Variants in NCL observed in about 807,000 individuals in gnomAD.
The protein encoded by NCL is nucleolin multifunctional protein.
In NCL, 4 loss-of-function variants were observed where a neutral mutation model predicts 77.7. That is an observed-to-expected ratio of 0.05 (90% confidence interval 0.03 to 0.12). The LOEUF is 0.12. Ranked by LOEUF, NCL falls within the 10% of genes least tolerant of loss-of-function variation. NCL has a pLI of 1.00. For synonymous variants in NCL, 344 were observed against 297.8 expected (o/e 1.16, Z -1.60); for missense variants, 763 against 860.9 (o/e 0.89, Z 1.42).
In NCL at chr2:231,458,284, T is replaced by C. The variant is rs2046911105; in HGVS notation, c.1271A>G (p.Lys424Arg). The change falls in exon 8 of 14, where the codon AAG becomes AGG. Residue 424 changes from lysine to arginine, a missense_variant. Physicochemically the swap from Lys to Arg is conservative, Grantham distance 26. Coordinates refer to ENST00000322723, the MANE Select transcript of NCL (RefSeq NM_005381.3). ...EDAAEIRLVS[K>R]DGKSKGIAYI... ...AACATACCCTTTACTTTTCCCATCC[T>C]TGCTGACTAATCTGATCTCCGCAGC... 1.2e-6 allele frequency: 2 copies of C among 1,613,956 alleles called. No individual in the cohort carries two copies. Among genetic ancestry groups the C allele is most frequent in the Admixed American group, 1.7e-5 (1 of 59,986 alleles).
At position 231,461,571 on chromosome 2, in the gene NCL, ATCT is replaced by A. The variant is rs1470530697; in HGVS notation, c.579_581del (p.Glu193del). ...CCTCATCGTCATCGTCATCCTCATC[ATCT>A]TCGTCATCCTCATCGTCCTCATCCT... On this transcript the variant is annotated inframe_deletion, in exon 3 of 14. Coordinates refer to ENST00000322723, the MANE Select transcript of NCL (RefSeq NM_005381.3). The A allele has an allele frequency of 3.7e-6, 6 of 1,612,986 alleles. No homozygotes were observed. The highest frequency in any genetic ancestry group is 3.3e-5 in the Admixed American group (2 of 59,976).
chr2:231,456,168 G>T, intron 11 of NCL, 32 bp from the exon 12 acceptor site: 1 of 1,612,778 alleles, frequency 6.2e-7, no homozygotes, highest in Non-Finnish European at 8.5e-7. Flanking sequence ...GACTTTATGT[G>T]AAGTCACAGT....
chr2:231,459,191 A>G (rs2046922503), intron 6 of NCL, 66 bp from the exon 7 acceptor site: 2 of 1,438,164 alleles, frequency 1.4e-6, no homozygotes, highest in Non-Finnish European at 1.8e-6. Flanking sequence ...CACAATATGT[A>G]TTCTAGACAA....
At chr2:231,455,970 C>T in intron 12 of NCL, 40 bp downstream of exon 12, 1 of 1,613,994 alleles carries the variant, frequency 6.2e-7, no homozygotes, top group East Asian at 2.2e-5. Context: ...GAACAAAAAC[C>T]CCTTCAAGTG....
chr2:231,455,330 TAGGAACCGTGACAGGGCAC>T, intron 13 of NCL, 52 bp downstream of exon 13: 1 of 1,613,240 alleles, frequency 6.2e-7, no homozygotes, highest in South Asian at 1.1e-5. Flanking sequence ...CCCCAGTGAT[TAGGAACCGTGACAGGGCAC>T]AGGGTCTGAA....
At chr2:231,460,122 CGT>C (rs2046932257) in intron 6 of NCL, 28 bp downstream of exon 6, 1 of 1,594,458 alleles carries the variant, frequency 6.3e-7, no homozygotes, top group African/African-American at 1.3e-5. Context: ...AACAGACCCA[CGT>C]GTATGTAACG....
At position 231,460,294 on chromosome 2, in the gene NCL, C is replaced by T. The variant is rs374132939; in HGVS notation, c.899-1G>A. ...TTGAAAGCCGTAGTCGGTTCTGTGC[C>T]TGCACAAAAAAAGCTCAACTCAGTC... is the stretch of plus-strand genomic sequence containing the variant. On this transcript the variant is annotated splice_acceptor_variant, in intron 5 of 13. Transcript: ENST00000322723. LOFTEE classifies it high-confidence loss of function. 6.2e-7 allele frequency: 1 copy of T among 1,613,318 alleles called. No homozygotes were observed. The highest frequency in any genetic ancestry group is 1.1e-5 in the South Asian group (1 of 90,936).
rs1330057068 is a variant in NCL, at chr2:231,454,999, G to C, written c.*192C>G. ...GCTCTATCACTCAACTCTTTAAAAAGTTTATATGAATATCCAGTCAAAACC... is the reference window on the plus strand; with the variant it reads ...GCTCTATCACTCAACTCTTTAAAAACTTTATATGAATATCCAGTCAAAACC... On this transcript the variant is annotated 3_prime_UTR_variant, in exon 14 of 14. Coordinates refer to ENST00000322723, the MANE Select transcript of NCL (RefSeq NM_005381.3). 1.7e-5 allele frequency: 10 copies of C among 588,538 alleles called. No homozygotes were observed. The highest frequency in any genetic ancestry group is 2.1e-5 in the Non-Finnish European group (7 of 334,952). 36.5% of individuals were successfully genotyped at this position (588,538 alleles called of 1,614,324 possible).
chr2:231,462,948 C>G, intron 2 of NCL: 1 of 443,018 alleles, frequency 2.3e-6, no homozygotes, highest in Non-Finnish European at 4.1e-6. Flanking sequence ...AATGATTTAA[C>G]ACAACAAATC....
In NCL at chr2:231,460,763, T is replaced by C. The variant is rs2046941735; in HGVS notation, c.717A>G (p.Glu239=). The C allele has an allele frequency of 9.3e-6, 15 of 1,613,598 alleles. No individual in the cohort carries two copies. The highest frequency in any genetic ancestry group is 1.3e-5 in the Non-Finnish European group (15 of 1,179,518). Residue 239 remains glutamate (E), a synonymous_variant, in exon 4 of 14, where the codon GAA becomes GAG. Transcript: ENST00000322723. ...AKNVAEDEDE[E]EDDEDEDDDD... is the part of the protein sequence containing the mutation. ...CGTCATCCTCGTCCTCATCATCCTC[T>C]TCTTCATCTTCATCCTCAGCCACGT...
chr2:231,455,960 GAAC>G, intron 12 of NCL, 47 bp downstream of exon 12: 2 of 1,613,802 alleles, frequency 1.2e-6, no homozygotes, highest in Non-Finnish European at 1.7e-6. Context: ...GGTCTGCACA[GAAC>G]AAAAACCCCT....
In NCL at chr2:231,460,248, T is replaced by C; in HGVS notation, c.944A>G (p.Asn315Ser). Reference sequence around the variant, plus strand: ...TAATTCAGGAGCAGATTTGTTAAAGTTTAGGTTTCCAACAAAGAGATTGAA... The same window carrying C: ...TAATTCAGGAGCAGATTTGTTAAAGCTTAGGTTTCCAACAAAGAGATTGAA... ...TAFNLFVGNL[N>S]FNKSAPELKT... Residue 315 changes from asparagine to serine, a missense_variant, in exon 6 of 14, where the codon AAC becomes AGC. By Grantham distance (46) the Asn-to-Ser change is conservative. This residue lies in a region of NCL where 590 missense variants were observed against 570.5 expected (regional missense o/e 1.03). Transcript: ENST00000322723. The C allele has an allele frequency of 6.2e-7, 1 of 1,614,074 alleles. No individual in the cohort carries two copies.
intron 3 of NCL, 97 bp downstream of exon 3, chr2:231,461,443 T>G (rs573300875): frequency 2.6e-6 from 4 of 1,524,150 alleles, no homozygotes; most frequent in Non-Finnish European, 3.5e-6. Flanking sequence ...AGGATTCTAA[T>G]CTCATCTCCA....
chr2:231,456,604 CACA>C, intron 11 of NCL, 24 bp downstream of exon 11: 1 of 1,613,636 alleles, frequency 6.2e-7, no homozygotes, highest in Non-Finnish European at 8.5e-7. Flanking sequence ...TACCCCCAAC[CACA>C]GCACCCTAAC....
chr2:231,457,585 G>A, intron 9 of NCL, 58 bp downstream of exon 9: 2 of 1,448,916 alleles, frequency 1.4e-6, no homozygotes, highest in Non-Finnish European at 1.9e-6. Flanking sequence ...GAAATACAAA[G>A]ACACAAAGGA....
At chr2:231,460,105 A>G (rs755466158) in intron 6 of NCL, 47 bp downstream of exon 6, 1 of 1,565,182 alleles carries the variant, frequency 6.4e-7, no homozygotes, top group South Asian at 1.2e-5. Context: ...GGGGAAGGAA[A>G]AGCATTAACA....
In NCL at chr2:231,453,767, T is replaced by C. The variant is rs1248664723; in HGVS notation, c.*1424A>G. On this transcript the variant is annotated 3_prime_UTR_variant, in exon 14 of 14. Coordinates refer to ENST00000322723, the MANE Select transcript of NCL (RefSeq NM_005381.3). ...AAGCAGTAGGTGATAAGCCCAAGGATGTTAAGATTTCAACAGCCCAACTGA... is the reference window on the plus strand; with the variant it reads ...AAGCAGTAGGTGATAAGCCCAAGGACGTTAAGATTTCAACAGCCCAACTGA... 1 of 152,336 alleles carries C rather than the reference T, an allele frequency of 6.6e-6. No homozygotes were observed. The highest frequency in any genetic ancestry group is 2.4e-5 in the African/African-American group (1 of 41,464). 9.4% of individuals were successfully genotyped at this position (152,336 alleles called of 1,614,324 possible). A position where few individuals can be genotyped will look rare whatever the true frequency, so the allele number is the denominator to read the frequency against.
intron 2 of NCL, 35 bp from the exon 3 acceptor site, chr2:231,462,052 A>G (rs1445957969): frequency 1.2e-6 from 2 of 1,608,198 alleles, no homozygotes; most frequent in Non-Finnish European, 1.7e-6. Flanking sequence ...CAGTAAGTCC[A>G]GCCCCACACC....
chr2:231,460,981 A>C (rs12996154), intron 3 of NCL, 115 bp from the exon 4 acceptor site: 264,325 of 892,782 alleles, frequency 0.3, 41,291 homozygotes, highest in Non-Finnish European at 0.34. Context: ...AGTCATGGCA[A>C]GAATAGATCA....
Sources: gnomAD v4.1 joint callset for allele counts on GRCh38, gnomAD v4.1.1 for gene constraint, gnomAD v4.1.1 regional missense constraint, MANE v1.5 for transcripts, NCBI Gene and HGNC (gene_info 2026-07-23, HGNC 2026-07-21) for gene names.